Variants in TMEM178B observed in about 807,000 individuals in gnomAD.
TMEM178B encodes transmembrane protein 178B.
Under a neutral mutation model 31.0 loss-of-function variants are expected in TMEM178B, and 5 were observed. That is an observed-to-expected ratio of 0.16 (90% CI 0.08 to 0.34). The LOEUF (loss-of-function observed/expected upper bound fraction) is 0.34. TMEM178B is among the 10% of genes least tolerant of loss of function. The pLI is 1.00. For synonymous variants in TMEM178B, 164 were observed against 164.0 expected, an observed-to-expected ratio of 1.00 and a Z score of 0.00; for missense variants, 275 against 400.3, an observed-to-expected ratio of 0.69 and a Z score of 2.67.
At chr7:141,288,502 A>G (rs917537197) in intron 2 of TMEM178B, among the ~76,000 whole-genome samples, 5 of 152,120 alleles carry the variant, frequency 3.3e-5, no homozygotes, top group Admixed American at 2.6e-4. Flanking sequence ...AAAAGATTTA[A>G]AATAAGAAAA....
chr7:141,237,665 A>T (rs1210429969), intron 2 of TMEM178B, among the ~76,000 whole-genome samples: 1 of 152,146 alleles, frequency 6.6e-6, no homozygotes, highest in Non-Finnish European at 1.5e-5. Context: ...TCTTATAAAC[A>T]TATGTGATTC....
intron 2 of TMEM178B, among the ~76,000 whole-genome samples, chr7:141,268,955 C>G (rs998757711): frequency 6.6e-6 from 1 of 152,100 alleles, no homozygotes; most frequent in Non-Finnish European, 1.5e-5. Context: ...AGTCCTCTAC[C>G]ACGGCAATGC....
At chr7:141,201,062 A>G (rs1796869110) in intron 1 of TMEM178B, among the ~76,000 whole-genome samples, 1 of 152,206 alleles carries the variant, frequency 6.6e-6, no homozygotes, top group Non-Finnish European at 1.5e-5. Context: ...AACAAACCAA[A>G]ATATTAAAAA....
chr7:141,328,277 T>C (rs1291709141), intron 2 of TMEM178B, among the ~76,000 whole-genome samples: 1 of 152,196 alleles, frequency 6.6e-6, no homozygotes, highest in Non-Finnish European at 1.5e-5. Context: ...CACACAGTGG[T>C]ATGTTCTATC....
In TMEM178B at chr7:141,074,138, C is replaced by T. The variant is rs1050684127; in HGVS notation, c.-173C>T. On this transcript the variant is annotated 5_prime_UTR_variant, in exon 1 of 4. Coordinates refer to ENST00000565468, the MANE Select transcript of TMEM178B (RefSeq NM_001195278.2). This position sits in a 1 kb window ranked among gnomAD's most constrained non-coding sequence, Gnocchi z 5.1. ...AACTTTTTAGGCCGCCCGCCCCCAT[C>T]CCCGCAGTCCCCGGGCCGTGCTCCG... The T allele has an allele frequency of 1.5e-5, 14 of 951,546 alleles. No individual in the cohort carries two copies. The highest frequency in any genetic ancestry group is 1.6e-5 in the Non-Finnish European group (11 of 697,460). The allele number at this position is 951,546 out of a possible 1,614,324, so 58.9% of individuals were successfully genotyped here.
At chr7:141,111,445 T>A (rs887618) in intron 1 of TMEM178B, among the ~76,000 whole-genome samples, 55,182 of 152,098 alleles carry the variant, frequency 0.36, 10,426 homozygotes, top group East Asian at 0.64. Flanking sequence ...ATACAGGCAC[T>A]GTGGAGACTG....
intron 2 of TMEM178B, among the ~76,000 whole-genome samples, chr7:141,288,729 C>G (rs1411081128): frequency 6.6e-6 from 1 of 152,188 alleles, no homozygotes. Flanking sequence ...AAGAGCCGTT[C>G]CCACACAGGC....
chr7:141,237,313 T>C (rs553266712), intron 2 of TMEM178B, among the ~76,000 whole-genome samples: 2 of 152,346 alleles, frequency 1.3e-5, no homozygotes, highest in East Asian at 3.9e-4. Flanking sequence ...TTCAAATTGT[T>C]CATCACTAAA....
intron 2 of TMEM178B, among the ~76,000 whole-genome samples, chr7:141,339,135 G>T (rs1799473694): frequency 6.6e-6 from 1 of 152,130 alleles, no homozygotes; most frequent in Non-Finnish European, 1.5e-5. Context: ...TTCATACCAG[G>T]TTGCGATGGC....
At chr7:141,384,401 T>A (rs1800391890) in intron 2 of TMEM178B, among the ~76,000 whole-genome samples, 1 of 152,194 alleles carries the variant, frequency 6.6e-6, no homozygotes, top group South Asian at 2.1e-4. Flanking sequence ...TTGTATAAGG[T>A]GTAAGGAAGG....
chr7:141,435,560 A>G (rs1181741), intron 2 of TMEM178B, among the ~76,000 whole-genome samples: 9,606 of 152,234 alleles, frequency 0.063, 985 homozygotes, highest in African/African-American at 0.21. Flanking sequence ...GCTGGTGGCC[A>G]TGGAGACAGC....
intron 2 of TMEM178B, among the ~76,000 whole-genome samples, chr7:141,264,322 ACTCT>A (rs1471624377): frequency 6.6e-6 from 1 of 152,004 alleles, no homozygotes; most frequent in Non-Finnish European, 1.5e-5. Flanking sequence ...CAAAGGCCAG[ACTCT>A]CTTTGGGCAA....
intron 2 of TMEM178B, among the ~76,000 whole-genome samples, chr7:141,336,104 C>A (rs1187928285): frequency 2.0e-5 from 3 of 152,124 alleles, no homozygotes; most frequent in Non-Finnish European, 4.4e-5. Flanking sequence ...CTTGGAGAGT[C>A]GCTGTTACGT....
chr7:141,377,171 T>TTATG, intron 2 of TMEM178B, among the ~76,000 whole-genome samples: 1 of 150,468 alleles, frequency 6.6e-6, no homozygotes, highest in African/African-American at 2.4e-5. Context: ...ATTTATTTAT[T>TTATG]TATTTATTTA....
intron 1 of TMEM178B, among the ~76,000 whole-genome samples, chr7:141,078,548 T>G (rs1327526025): frequency 6.6e-6 from 1 of 152,198 alleles, no homozygotes; most frequent in Non-Finnish European, 1.5e-5. Context: ...GATCTGGTCC[T>G]CAGAATTTGC....
intron 1 of TMEM178B, among the ~76,000 whole-genome samples, chr7:141,129,491 A>T (rs1394942527): frequency 6.6e-6 from 1 of 152,188 alleles, no homozygotes; most frequent in Non-Finnish European, 1.5e-5. Context: ...CAAGATAACG[A>T]ATGCTTCTAA....
chr7:141,170,551 G>T (rs538584562), intron 1 of TMEM178B, among the ~76,000 whole-genome samples: 7 of 152,300 alleles, frequency 4.6e-5, no homozygotes, highest in African/African-American at 1.2e-4. Context: ...GGAATTTATG[G>T]AATTGCTCTG....
At chr7:141,507,684 T>C in the TMEM178B span, among the ~76,000 whole-genome samples, 4 of 152,246 alleles carry the variant, frequency 2.6e-5, no homozygotes, top group Non-Finnish European at 5.9e-5. Context: ...ATCTCAATTA[T>C]TGACTTCTGT....
chr7:141,246,321 A>AT (rs1797729427), intron 2 of TMEM178B, among the ~76,000 whole-genome samples: 1 of 152,154 alleles, frequency 6.6e-6, no homozygotes, highest in Admixed American at 6.5e-5. Context: ...GTAATGACCC[A>AT]TTTCCCCATG....
Sources: gnomAD v4.1 joint callset for allele counts (sites outside exome capture counted in the v4.1 genomes callset) on GRCh38, gnomAD v4.1.1 for gene constraint, Gnocchi (gnomAD v3.1) non-coding constraint, MANE v1.5 for transcripts, NCBI Gene and HGNC (gene_info 2026-07-23, HGNC 2026-07-21) for gene names.